VWC2: variants seen among roughly 807,000 people sequenced by gnomAD.
The protein encoded by VWC2 is von Willebrand factor C domain containing 2.
VWC2 carries 14 observed loss-of-function variants against 29.8 expected under a neutral mutation model. The ratio of observed to expected loss-of-function variants is 0.47; its 90% confidence interval spans 0.31 to 0.74. The LOEUF (loss-of-function observed/expected upper bound fraction) is 0.74, where lower values mean the gene tolerates loss of function less well. Among genes scored for constraint, VWC2 ranks in the 30% least tolerant of loss-of-function variants. The probability of loss-of-function intolerance (pLI) is 0.05; values close to 1 mark genes in which losing one functional copy is unlikely to be tolerated. For synonymous variants in VWC2, 213 were observed against 199.0 expected (o/e 1.07, Z -0.59); for missense variants, 457 against 459.8 (o/e 0.99, Z 0.05).
chr7:49,894,327 TG>T (rs1035322601), intron 3 of VWC2, among the ~76,000 whole-genome samples: 1 of 152,190 alleles, frequency 6.6e-6, no homozygotes, highest in Non-Finnish European at 1.5e-5. Flanking sequence ...GGCTAATTTT[TG>T]TATTTTTTGT....
At chr7:49,780,546 C>T (rs148152939) in intron 2 of VWC2, among the ~76,000 whole-genome samples, 8 of 152,296 alleles carry the variant, frequency 5.3e-5, no homozygotes, top group African/African-American at 1.9e-4. Flanking sequence ...TTTTATAAAA[C>T]CTAATGGAAT....
At chr7:49,834,797 T>C (rs1377585835) in intron 3 of VWC2, among the ~76,000 whole-genome samples, 1 of 152,208 alleles carries the variant, frequency 6.6e-6, no homozygotes, top group Admixed American at 6.5e-5. Flanking sequence ...ATTGGAGTCG[T>C]GATCTCACAT....
In VWC2 at chr7:49,903,116, G is replaced by T. The variant is rs1792866382; in HGVS notation, c.827-8918G>T. The stretch of plus-strand genomic sequence containing the variant: ...ACAAAAACTTGTGACAAGATCAAAT[G>T]CTGGTAAAGATGTGAGTAAACTGGA... On this transcript the variant is annotated intron_variant, in intron 3 of 3. Coordinates refer to ENST00000340652, the MANE Select transcript of VWC2 (RefSeq NM_198570.5). 2.0e-5 allele frequency among the ~76,000 whole-genome samples: 3 copies of T among 152,142 alleles called. 1 individual carries two copies. In the South Asian group the frequency reaches 6.2e-4, roughly 31 times the overall value.
chr7:49,824,647 A>G (rs943052247), intron 3 of VWC2, among the ~76,000 whole-genome samples: 1 of 152,180 alleles, frequency 6.6e-6, no homozygotes, highest in Admixed American at 6.5e-5. Context: ...TTGGAAAAAC[A>G]GACATCTTAA....
In VWC2 at chr7:49,855,912, A is replaced by C. The variant is rs1455962462; in HGVS notation, c.826+53072A>C. ...AGTGAAGTGGGGAAGAGAAGGAAGA[A>C]AACTGATGTTTCTTTCAGATCCACT... On this transcript the variant is annotated intron_variant, in intron 3 of 3. Transcript: ENST00000340652. Among the ~76,000 whole-genome samples, 3 of 152,144 alleles carry C rather than the reference A, an allele frequency of 2.0e-5. No homozygotes were observed. The East Asian group carries it at 5.8e-4, about 29-fold the overall frequency.
At chr7:49,860,658 AG>A (rs1229957188) in intron 3 of VWC2, among the ~76,000 whole-genome samples, 20 of 152,258 alleles carry the variant, frequency 1.3e-4, no homozygotes, top group African/African-American at 4.8e-4. Flanking sequence ...GTAACTGTTA[AG>A]GACTGAATTA....
rs1583834702 is a variant in VWC2, at chr7:49,917,323, T to A, written c.*5138T>A. ...TTAACACAAAGATTTGGCTAATTTT[T>A]AAATGAACAAATCCCATTGAATATT... On this transcript the variant is annotated 3_prime_UTR_variant, in exon 4 of 4. Transcript: ENST00000340652. The A allele has an allele frequency of 6.6e-6, 1 of 152,216 alleles. No individual in the cohort carries two copies. Among genetic ancestry groups the A allele is most frequent in the Non-Finnish European group, 1.5e-5 (1 of 68,028 alleles). 9.4% of individuals were successfully genotyped at this position (152,216 alleles called of 1,614,324 possible). A position where few individuals can be genotyped will look rare whatever the true frequency, so the allele number is the denominator to read the frequency against.
chr7:49,848,730 C>T (rs1261952038), intron 3 of VWC2, among the ~76,000 whole-genome samples: 1 of 152,188 alleles, frequency 6.6e-6, no homozygotes, highest in African/African-American at 2.4e-5. Context: ...TTGTATGAAT[C>T]ATTTCTCTCA....
chr7:49,831,854 C>A (rs1306914834), intron 3 of VWC2, among the ~76,000 whole-genome samples: 1 of 152,148 alleles, frequency 6.6e-6, no homozygotes, highest in Non-Finnish European at 1.5e-5. Context: ...GATCTTTAAG[C>A]AACTCCAGAA....
intron 3 of VWC2, among the ~76,000 whole-genome samples, chr7:49,870,375 G>A (rs926229768): frequency 6.6e-6 from 1 of 152,160 alleles, no homozygotes; most frequent in Non-Finnish European, 1.5e-5. Context: ...ACTCCACCCT[G>A]GGTGACGCAG....
intron 2 of VWC2, among the ~76,000 whole-genome samples, chr7:49,791,408 G>A (rs897843942): frequency 6.6e-6 from 1 of 152,118 alleles, no homozygotes; most frequent in Non-Finnish European, 1.5e-5. Flanking sequence ...CATGTAACAG[G>A]GTCAAAATGA....
At chr7:49,874,324 T>A (rs147843885) in intron 3 of VWC2, among the ~76,000 whole-genome samples, 4 of 152,326 alleles carry the variant, frequency 2.6e-5, no homozygotes, top group African/African-American at 9.6e-5. Context: ...GATACACAAA[T>A]CTTTACCATT....
intron 3 of VWC2, among the ~76,000 whole-genome samples, chr7:49,872,788 C>T (rs1791220542): frequency 6.8e-6 from 1 of 147,714 alleles, no homozygotes; most frequent in African/African-American, 2.5e-5. Flanking sequence ...TGGTGGCACA[C>T]ACCTGTAATC....
intron 3 of VWC2, among the ~76,000 whole-genome samples, chr7:49,836,420 C>T (rs879581770): frequency 2.0e-5 from 3 of 146,692 alleles, no homozygotes; most frequent in African/African-American, 5.1e-5. Context: ...CTTGAGGTAG[C>T]GAGTTCAAAA....
chr7:49,869,481 T>C (rs1791043742), intron 3 of VWC2, among the ~76,000 whole-genome samples: 1 of 152,236 alleles, frequency 6.6e-6, no homozygotes, highest in Non-Finnish European at 1.5e-5. Context: ...TTATCTTGTA[T>C]ATTACAAAAG....
intron 2 of VWC2, among the ~76,000 whole-genome samples, chr7:49,797,538 G>A (rs1205830872): frequency 2.0e-5 from 3 of 152,222 alleles, no homozygotes. Flanking sequence ...CAATGTGGAT[G>A]AGTGAGAATG....
At chr7:49,823,302 G>C (rs77206533) in intron 3 of VWC2, among the ~76,000 whole-genome samples, 1,801 of 152,228 alleles carry the variant, frequency 0.012, 54 homozygotes, top group South Asian at 0.12. Flanking sequence ...TCCAGGGACA[G>C]GGTAAAAGCA....
chr7:49,855,506 T>C (rs691878), intron 3 of VWC2, among the ~76,000 whole-genome samples: 15,915 of 152,048 alleles, frequency 0.1, 2,449 homozygotes, highest in African/African-American at 0.34. Context: ...GGACAGATGT[T>C]GTGGAGAGAG....
At chr7:49,896,559 T>A (rs927221204) in intron 3 of VWC2, among the ~76,000 whole-genome samples, 1 of 151,774 alleles carries the variant, frequency 6.6e-6, no homozygotes, top group Non-Finnish European at 1.5e-5. Flanking sequence ...ATCAGTAAAA[T>A]TGAAAACAAA....
Sources: allele counts gnomAD v4.1 joint callset (sites outside exome capture counted in the v4.1 genomes callset), GRCh38; gene constraint gnomAD v4.1.1; transcripts MANE v1.5; gene names NCBI Gene and HGNC (gene_info 2026-07-23, HGNC 2026-07-21).